PRIM2: variants seen among roughly 807,000 people sequenced by gnomAD.
The protein encoded by PRIM2 is DNA primase large subunit.
Under a neutral mutation model 67.3 loss-of-function variants are expected in PRIM2, and 39 were observed. The ratio of observed to expected loss-of-function variants is 0.58; its 90% CI spans 0.45 to 0.76. The LOEUF (loss-of-function observed/expected upper bound fraction) is 0.76. Ranked by LOEUF, PRIM2 falls within the 30% of genes least tolerant of loss-of-function variation. The probability of loss-of-function intolerance (pLI) is 0.00; values close to 1 mark genes in which losing one functional copy is unlikely to be tolerated. For synonymous variants in PRIM2, 143 were observed against 198.7 expected (o/e 0.72, Z 2.36); for missense variants, 398 against 598.7 (o/e 0.66, Z 3.50).
intron 7 of PRIM2, among the ~76,000 whole-genome samples, chr6:57,494,505 A>AT (rs1210125998): frequency 6.6e-6 from 1 of 152,218 alleles, no homozygotes; most frequent in Non-Finnish European, 1.5e-5. Flanking sequence ...ATGTAATTTG[A>AT]TTTACTAGGT....
chr6:57,291,630 T>A, the PRIM2 span, among the ~76,000 whole-genome samples: 1 of 152,026 alleles, frequency 6.6e-6, no homozygotes, highest in African/African-American at 2.4e-5. Flanking sequence ...CAGCAGCACA[T>A]CAAAAAGCTT....
chr6:57,515,516 T>C (rs1483936449), intron 8 of PRIM2, among the ~76,000 whole-genome samples: 1 of 152,188 alleles, frequency 6.6e-6, no homozygotes, highest in Middle Eastern at 3.2e-3. Flanking sequence ...TCTTAACAAG[T>C]GAACGAGTGA....
intron 7 of PRIM2, among the ~76,000 whole-genome samples, chr6:57,437,606 G>C (rs892927420): frequency 1.3e-4 from 19 of 150,346 alleles, no homozygotes; most frequent in African/African-American, 4.4e-4. Context: ...ATGAGATAAA[G>C]TGATTGAGAG....
chr6:57,580,886 C>T (rs1418552009), intron 10 of PRIM2, among the ~76,000 whole-genome samples: 1 of 150,684 alleles, frequency 6.6e-6, no homozygotes, highest in Non-Finnish European at 1.5e-5. Context: ...TCAAAATAGG[C>T]AATACTTGAA....
intron 5 of PRIM2, among the ~76,000 whole-genome samples, chr6:57,374,978 G>A (rs1422059924): frequency 4.6e-5 from 7 of 152,246 alleles, no homozygotes; most frequent in African/African-American, 1.7e-4. Context: ...TGAGACAATG[G>A]GGTTTTCTAG....
At chr6:57,574,432 G>A (rs1437542741) in intron 10 of PRIM2, among the ~76,000 whole-genome samples, 5 of 152,156 alleles carry the variant, frequency 3.3e-5, no homozygotes, top group Non-Finnish European at 7.3e-5. Flanking sequence ...GTTCAGTTCT[G>A]TGTTCAGTGT....
intron 7 of PRIM2, among the ~76,000 whole-genome samples, chr6:57,447,143 T>A (rs553217471): frequency 4.6e-5 from 7 of 152,356 alleles, no homozygotes; most frequent in Non-Finnish European, 8.8e-5. Flanking sequence ...TATTAAAGTA[T>A]GCGATACATG....
At chr6:57,645,559 TA>T (rs1208881910) in intron 13 of PRIM2, among the ~76,000 whole-genome samples, 1 of 150,864 alleles carries the variant, frequency 6.6e-6, no homozygotes, top group Non-Finnish European at 1.5e-5. Flanking sequence ...TGAATGGTGA[TA>T]CCAATCACTG....
chr6:57,541,887 C>T (rs1775163217), intron 10 of PRIM2, among the ~76,000 whole-genome samples: 1 of 151,980 alleles, frequency 6.6e-6, no homozygotes, highest in Admixed American at 6.6e-5. Context: ...CCAGAAACAC[C>T]CCCTCAGACA....
At chr6:57,404,588 C>G (rs1242523661) in intron 7 of PRIM2, among the ~76,000 whole-genome samples, 2 of 152,050 alleles carry the variant, frequency 1.3e-5, no homozygotes, top group South Asian at 2.1e-4. Context: ...TTCTGAAATC[C>G]CAATTGCAAA....
intron 12 of PRIM2, among the ~76,000 whole-genome samples, chr6:57,631,031 G>A (rs1327831443): frequency 4.6e-5 from 7 of 152,130 alleles, no homozygotes; most frequent in Non-Finnish European, 8.8e-5. Flanking sequence ...AAGGTGACAC[G>A]AAATTCAGAA....
intron 10 of PRIM2, among the ~76,000 whole-genome samples, chr6:57,565,395 C>T (rs1401068460): frequency 2.7e-5 from 4 of 148,062 alleles, no homozygotes; most frequent in Non-Finnish European, 5.9e-5. Context: ...GATTATGAAG[C>T]CTGAGAAGTT....
At position 57,449,771 on chromosome 6, in the gene PRIM2, GA is replaced by G. The variant is rs1184845173; in HGVS notation, c.694-57612del. On this transcript the variant is annotated intron_variant, in intron 7 of 13. Transcript: ENST00000615550. ...TTATTATCTGTAACTTTAATGGAAA[GA>G]AAATGTTAATTTAGGGTAATGAAAT... 1.6e-4 allele frequency among the ~76,000 whole-genome samples: 25 copies of G among 152,208 alleles called. No homozygotes were observed. The East Asian group carries it at 4.6e-3, about 28-fold the overall frequency.
the PRIM2 span, among the ~76,000 whole-genome samples, chr6:57,295,964 T>C: frequency 6.6e-6 from 1 of 152,302 alleles, no homozygotes; most frequent in South Asian, 2.1e-4. Context: ...TTTATAACCA[T>C]AGTCACAACC....
chr6:57,440,918 A>G (rs1772183727), intron 7 of PRIM2, among the ~76,000 whole-genome samples: 1 of 152,200 alleles, frequency 6.6e-6, no homozygotes, highest in Non-Finnish European at 1.5e-5. Flanking sequence ...AAATAAGTAT[A>G]GCAGAACAGA....
the PRIM2 span, among the ~76,000 whole-genome samples, chr6:57,257,283 T>TG: frequency 3.3e-5 from 5 of 151,968 alleles, no homozygotes; most frequent in South Asian, 1.0e-3. Context: ...TTTTTTTTTT[T>TG]TTTGTGAGAT....
At chr6:57,272,419 G>A in the PRIM2 span, among the ~76,000 whole-genome samples, 1 of 151,856 alleles carries the variant, frequency 6.6e-6, no homozygotes, top group Admixed American at 6.5e-5. Flanking sequence ...ATGGTTTAAA[G>A]TCTGTTTTAT....
intron 8 of PRIM2, among the ~76,000 whole-genome samples, chr6:57,521,367 GTTTTTTTTTTTTTT>G (rs1163114437): frequency 1.0e-5 from 1 of 97,956 alleles, no homozygotes; most frequent in Non-Finnish European, 1.9e-5. Context: ...TGTGGTTAGG[GTTTTTTTTTTTTTT>G]TTTTTTTTTT....
intron 10 of PRIM2, among the ~76,000 whole-genome samples, chr6:57,598,490 C>T (rs1447397275): frequency 7.6e-4 from 116 of 152,250 alleles, no homozygotes; most frequent in African/African-American, 2.8e-3. Context: ...AATATTTGCT[C>T]TTGCCAGATA....
Sources: allele counts gnomAD v4.1 joint callset (sites outside exome capture counted in the v4.1 genomes callset), GRCh38; gene constraint gnomAD v4.1.1; transcripts MANE v1.5; gene names NCBI Gene and HGNC (gene_info 2026-07-23, HGNC 2026-07-21).